FSTL4: variants seen among roughly 807,000 people sequenced by gnomAD.
The protein encoded by FSTL4 is follistatin like 4.
A neutral mutation model predicts 78.2 loss-of-function variants in FSTL4; 28 were observed. The ratio of observed to expected loss-of-function variants is 0.36; its 90% CI spans 0.27 to 0.49. The LOEUF (loss-of-function observed/expected upper bound fraction) is 0.49. FSTL4 is among the 20% of genes least tolerant of loss of function. The pLI is 0.98. For missense variants in FSTL4, 922 were observed against 1,084.9 expected (o/e 0.85, Z 2.11); for synonymous variants, 422 against 440.5 (o/e 0.96, Z 0.53).
At chr5:133,738,636 C>G in the FSTL4 span, among the ~76,000 whole-genome samples, 1 of 152,160 alleles carries the variant, frequency 6.6e-6, no homozygotes, top group Admixed American at 6.5e-5. Flanking sequence ...CTGATGCTGT[C>G]TTACGGCTGC....
chr5:133,218,947 CAG>C (rs1751003806), intron 12 of FSTL4, among the ~76,000 whole-genome samples: 1 of 152,354 alleles, frequency 6.6e-6, no homozygotes, highest in Non-Finnish European at 1.5e-5. Flanking sequence ...GTGCCTGGCA[CAG>C]AGTCAGTGCT....
At chr5:133,209,906 A>G (rs1276238770) in intron 14 of FSTL4, 8 of 305,216 alleles carry the variant, frequency 2.6e-5, no homozygotes, top group African/African-American at 4.2e-5. Context: ...GGGACCCAGG[A>G]GCTATTGGCT....
intron 3 of FSTL4, among the ~76,000 whole-genome samples, chr5:133,500,671 T>G (rs1263485989): frequency 6.6e-6 from 1 of 152,122 alleles, no homozygotes; most frequent in East Asian, 1.9e-4. Flanking sequence ...TACAAAATAG[T>G]CATGTCAAAA....
At chr5:133,411,555 A>G (rs948726023) in intron 3 of FSTL4, among the ~76,000 whole-genome samples, 2 of 152,204 alleles carry the variant, frequency 1.3e-5, no homozygotes, top group African/African-American at 4.8e-5. Flanking sequence ...ATAGAAATAA[A>G]GAAAGTCTTA....
intron 3 of FSTL4, among the ~76,000 whole-genome samples, chr5:133,471,962 A>C (rs1045294172): frequency 2.0e-5 from 3 of 152,232 alleles, no homozygotes; most frequent in African/African-American, 7.2e-5. Context: ...GGGCTGGATC[A>C]GTTAAGAGCT....
chr5:133,573,381 G>C (rs1003159497), intron 2 of FSTL4, among the ~76,000 whole-genome samples: 1 of 152,030 alleles, frequency 6.6e-6, no homozygotes, highest in East Asian at 1.9e-4. Flanking sequence ...TTACAAAAAG[G>C]CTGAATGTAA....
At chr5:133,507,449 G>GT (rs1289879241) in intron 3 of FSTL4, among the ~76,000 whole-genome samples, 1 of 151,750 alleles carries the variant, frequency 6.6e-6, no homozygotes, top group Non-Finnish European at 1.5e-5. Flanking sequence ...TTTTTTGAAA[G>GT]TAACTACGTA....
At chr5:133,626,824 T>A in the FSTL4 span, among the ~76,000 whole-genome samples, 1 of 152,178 alleles carries the variant, frequency 6.6e-6, no homozygotes, top group Non-Finnish European at 1.5e-5. Context: ...TTTTGTTACA[T>A]GTTCTGTGCA....
chr5:133,434,620 A>G (rs1757003102), intron 3 of FSTL4, among the ~76,000 whole-genome samples: 1 of 152,188 alleles, frequency 6.6e-6, no homozygotes, highest in Admixed American at 6.5e-5. Context: ...TTTCCTTGTG[A>G]TAAATTGCCT....
At chr5:133,488,504 G>A (rs542047170) in intron 3 of FSTL4, among the ~76,000 whole-genome samples, 25 of 152,220 alleles carry the variant, frequency 1.6e-4, no homozygotes, top group African/African-American at 3.9e-4. Flanking sequence ...TCTGCCCACC[G>A]CGGCCTCCCA....
intron 6 of FSTL4, among the ~76,000 whole-genome samples, chr5:133,275,287 C>T (rs889809234): frequency 3.9e-5 from 6 of 151,900 alleles, no homozygotes; most frequent in Admixed American, 2.6e-4. Context: ...TGGCCAGGCA[C>T]AGTGGCTCAT....
At chr5:133,678,751 C>T in the FSTL4 span, among the ~76,000 whole-genome samples, 1 of 152,088 alleles carries the variant, frequency 6.6e-6, no homozygotes, top group Non-Finnish European at 1.5e-5. Flanking sequence ...GGTATTTAAA[C>T]CCCTGAGACT....
chr5:133,504,010 A>G (rs1197283630), intron 3 of FSTL4, among the ~76,000 whole-genome samples: 2 of 151,900 alleles, frequency 1.3e-5, no homozygotes, highest in African/African-American at 4.8e-5. Context: ...AAAGGGGGAA[A>G]CCCCTTATAA....
At chr5:133,351,155 G>A (rs968163552) in intron 4 of FSTL4, among the ~76,000 whole-genome samples, 5 of 152,062 alleles carry the variant, frequency 3.3e-5, no homozygotes, top group Admixed American at 1.3e-4. Context: ...AGCCCTTCTC[G>A]TAGCTTCTAA....
intron 6 of FSTL4, among the ~76,000 whole-genome samples, chr5:133,307,815 C>T (rs1222784338): frequency 3.4e-5 from 5 of 146,582 alleles, no homozygotes; most frequent in Non-Finnish European, 6.0e-5. Flanking sequence ...GAGTCTCGCT[C>T]TGTTGCCCAG....
At chr5:133,558,081 A>C (rs1191469155) in intron 3 of FSTL4, among the ~76,000 whole-genome samples, 3 of 152,202 alleles carry the variant, frequency 2.0e-5, no homozygotes, top group African/African-American at 7.2e-5. Context: ...CAGGTACACC[A>C]GGTAGACATC....
chr5:133,543,024 T>C (rs1478700089), intron 3 of FSTL4, among the ~76,000 whole-genome samples: 1 of 152,070 alleles, frequency 6.6e-6, no homozygotes, highest in African/African-American at 2.4e-5. Flanking sequence ...TTCCTAACAT[T>C]GTGAGGTGGA....
chr5:133,303,536 G>A (rs1753595752), intron 6 of FSTL4, among the ~76,000 whole-genome samples: 1 of 152,184 alleles, frequency 6.6e-6, no homozygotes, highest in African/African-American at 2.4e-5. Flanking sequence ...CCTGAGTGTG[G>A]CCCACAGCTC....
chr5:133,502,185 G>A (rs1463049339), intron 3 of FSTL4, among the ~76,000 whole-genome samples: 1 of 152,196 alleles, frequency 6.6e-6, no homozygotes. Flanking sequence ...TGTTACAGCA[G>A]CCCTAGGAGA....
Sources: gnomAD v4.1 joint callset for allele counts (sites outside exome capture counted in the v4.1 genomes callset) on GRCh38, gnomAD v4.1.1 for gene constraint, MANE v1.5 for transcripts, NCBI Gene and HGNC (gene_info 2026-07-23, HGNC 2026-07-21) for gene names.